DTNA: variants seen among roughly 807,000 people sequenced by gnomAD.
DTNA encodes the protein dystrobrevin alpha, also known as dystrophin-related protein 3.
DTNA carries 43 observed loss-of-function variants against 100.7 expected under a neutral mutation model. That is an observed-to-expected ratio of 0.43 (90% CI 0.33 to 0.55). DTNA has a LOEUF of 0.55. Ranked by LOEUF, DTNA falls within the 20% of genes least tolerant of loss-of-function variation. The pLI, the probability that DTNA is intolerant of heterozygous loss-of-function variation, is 0.04. For missense variants in DTNA, 798 were observed against 953.9 expected, an observed-to-expected ratio of 0.84 and a Z score of 2.15; for synonymous variants, 349 against 347.9, an observed-to-expected ratio of 1.00 and a Z score of -0.04.
chr18:34,570,366 T>G (rs2047474223), intron 1 of DTNA, among the ~76,000 whole-genome samples: 1 of 152,250 alleles, frequency 6.6e-6, no homozygotes, highest in Non-Finnish European at 1.5e-5. Context: ...AGAGTCTTAA[T>G]TACTTTTTTA....
At chr18:34,828,856 T>C (rs2095926680) in intron 10 of DTNA, among the ~76,000 whole-genome samples, 1 of 151,530 alleles carries the variant, frequency 6.6e-6, no homozygotes, top group East Asian at 1.9e-4. Flanking sequence ...ATGCAACCAT[T>C]TTTTTTTTCT....
chr18:34,760,728 A>C (rs2093096722), intron 2 of DTNA, among the ~76,000 whole-genome samples: 1 of 152,138 alleles, frequency 6.6e-6, no homozygotes. Context: ...CCTGTTCCCA[A>C]GTTTGTGCCT....
At chr18:34,752,186 G>A (rs2092381461) in intron 1 of DTNA, among the ~76,000 whole-genome samples, 1 of 152,320 alleles carries the variant, frequency 6.6e-6, no homozygotes, top group East Asian at 1.9e-4. Flanking sequence ...GTACACATTA[G>A]TGTCATCACA....
At chr18:34,833,242 A>G (rs916690160) in intron 11 of DTNA, among the ~76,000 whole-genome samples, 4 of 152,200 alleles carry the variant, frequency 2.6e-5, no homozygotes, top group African/African-American at 9.6e-5. Context: ...TCCAGGAAGC[A>G]TCTGTGTGTG....
intron 11 of DTNA, among the ~76,000 whole-genome samples, chr18:34,831,402 A>G (rs1385173092): frequency 1.3e-5 from 2 of 152,238 alleles, no homozygotes; most frequent in African/African-American, 2.4e-5. Flanking sequence ...CTTACAATTC[A>G]TATAGCATGT....
chr18:34,637,531 C>G (rs1353596496), intron 1 of DTNA, among the ~76,000 whole-genome samples: 1 of 152,188 alleles, frequency 6.6e-6, no homozygotes, highest in Non-Finnish European at 1.5e-5. Context: ...GTTTGGCTCT[C>G]AGATACTATT....
intron 1 of DTNA, among the ~76,000 whole-genome samples, chr18:34,570,769 A>T (rs563806754): frequency 6.6e-6 from 1 of 152,170 alleles, no homozygotes; most frequent in Non-Finnish European, 1.5e-5. Context: ...CTTGCACTAG[A>T]TGCAGTTAAA....
chr18:34,806,450 G>A (rs1200966536), intron 5 of DTNA, 146 bp downstream of exon 5: 1 of 735,682 alleles, frequency 1.4e-6, no homozygotes, highest in Non-Finnish European at 2.4e-6. Context: ...ACTGATGTTT[G>A]GATTTTGTCA....
intron 4 of DTNA, among the ~76,000 whole-genome samples, chr18:34,796,024 A>G (rs920369210): frequency 6.6e-6 from 1 of 152,228 alleles, no homozygotes; most frequent in African/African-American, 2.4e-5. Context: ...GTTCAGAAGA[A>G]ATCTTTATTT....
chr18:34,617,066 G>A (rs2055446220), intron 1 of DTNA, among the ~76,000 whole-genome samples: 1 of 152,134 alleles, frequency 6.6e-6, no homozygotes, highest in African/African-American at 2.4e-5. Context: ...ATATCTGCAA[G>A]CAGGGATAGT....
Position 34,814,168 on chromosome 18 carries a change from T to G in DTNA, c.604-1741T>G, listed in dbSNP as rs567133708. Among the ~76,000 whole-genome samples, 14 of 152,322 alleles carry G rather than the reference T, an allele frequency of 9.2e-5. No individual in the cohort carries two copies. In the South Asian group the frequency reaches 1.5e-3, roughly 16 times the overall value. On this transcript the variant is annotated intron_variant, in intron 6 of 22. Transcript: ENST00000444659. The stretch of plus-strand genomic sequence containing the variant: ...TGTTGTTGCTTTTGTTTTGTGCACT[T>G]TCAGTTCATATTTACAAATATGCAG...
intron 1 of DTNA, among the ~76,000 whole-genome samples, chr18:34,605,720 GCTTA>G (rs2052944644): frequency 6.6e-6 from 1 of 151,574 alleles, no homozygotes; most frequent in Non-Finnish European, 1.5e-5. Context: ...ACAACTCCAT[GCTTA>G]AGGGCAATGC....
intron 11 of DTNA, among the ~76,000 whole-genome samples, chr18:34,836,509 G>A (rs1271640362): frequency 6.6e-6 from 1 of 151,994 alleles, no homozygotes; most frequent in East Asian, 1.9e-4. Context: ...TTAGCCAGGT[G>A]TGGTGGCGCA....
intron 1 of DTNA, among the ~76,000 whole-genome samples, chr18:34,641,931 T>A (rs1374931585): frequency 1.3e-5 from 2 of 152,118 alleles, no homozygotes; most frequent in African/African-American, 4.8e-5. Context: ...TGAAAAACAG[T>A]CACATAGAAC....
rs553619087 is a variant in DTNA at position 34,768,292 on chromosome 18, G to C, written c.148+2251G>C. ...ATTTCCAATAAAAGACTACAAAATG[G>C]TAAGAAGGAACGCCCCCCCAAAAAA... On this transcript the variant is annotated intron_variant, in intron 3 of 22. Coordinates refer to ENST00000444659, the MANE Select transcript of DTNA (RefSeq NM_001386795.1). Among the ~76,000 whole-genome samples the C allele has an allele frequency of 1.1e-3, 173 of 151,672 alleles. 1 individual carries two copies. Among genetic ancestry groups the C allele is most frequent in the Non-Finnish European group, 2.1e-3 (142 of 67,910 alleles).
intron 2 of DTNA, among the ~76,000 whole-genome samples, chr18:34,762,377 T>A (rs1440267516): frequency 6.6e-6 from 1 of 152,196 alleles, no homozygotes; most frequent in Admixed American, 6.5e-5. Context: ...AAGCCACAAC[T>A]AATGGGTCTA....
At chr18:34,780,718 G>A (rs929118932) in intron 3 of DTNA, among the ~76,000 whole-genome samples, 3 of 152,188 alleles carry the variant, frequency 2.0e-5, no homozygotes, top group Non-Finnish European at 4.4e-5. Flanking sequence ...ATTAGGATCA[G>A]TGCTTAGTCT....
chr18:34,505,291 T>C (rs1211718407), intron 1 of DTNA, among the ~76,000 whole-genome samples: 1 of 152,242 alleles, frequency 6.6e-6, no homozygotes, highest in African/African-American at 2.4e-5. Flanking sequence ...GCCAGATTTA[T>C]CTCTGCTCTT....
At chr18:34,668,942 C>A (rs149797231) in intron 1 of DTNA, among the ~76,000 whole-genome samples, 2,211 of 152,224 alleles carry the variant, frequency 0.015, 41 homozygotes, top group African/African-American at 0.047. Context: ...TCTATTAGGT[C>A]CACTTGTTGC....
Sources: gnomAD v4.1 joint callset for allele counts (sites outside exome capture counted in the v4.1 genomes callset) on GRCh38, gnomAD v4.1.1 for gene constraint, MANE v1.5 for transcripts, NCBI Gene and HGNC (gene_info 2026-07-23, HGNC 2026-07-21) for gene names.